Variants in SERTM1 observed in about 807,000 individuals in gnomAD.
SERTM1 encodes the protein serine-rich and transmembrane domain-containing protein 1.
Under a neutral mutation model 5.5 loss-of-function variants are expected in SERTM1, and 1 was observed. That is an observed-to-expected ratio of 0.18 (90% CI 0.06 to 0.86). The LOEUF is 0.86. SERTM1 is among the 40% of genes least tolerant of loss of function. SERTM1 has a pLI of 0.69. For synonymous variants in SERTM1, 52 were observed against 55.1 expected, an observed-to-expected ratio of 0.94 and a Z score of 0.25; for missense variants, 91 against 122.4, an observed-to-expected ratio of 0.74 and a Z score of 1.21.
intron 1 of SERTM1, among the ~76,000 whole-genome samples, chr13:36,694,589 T>G (rs1041353351): frequency 5.9e-5 from 9 of 152,236 alleles, no homozygotes; most frequent in Non-Finnish European, 1.2e-4. Context: ...TGTGTTCTCA[T>G]CTCAGAGTGT....
At position 36,696,874 on chromosome 13, in the gene SERTM1, C is replaced by A. The variant is rs1419568979; in HGVS notation, c.*1472C>A. ...GTTCAAAACATTTAATCATCTTAAG[C>A]AGTGGGGCTTCAACACACCGTTTGG... On this transcript the variant is annotated 3_prime_UTR_variant, in exon 2 of 2. Coordinates refer to ENST00000315190, the MANE Select transcript of SERTM1 (RefSeq NM_203451.3). 6.0e-6 allele frequency: 1 copy of A among 167,056 alleles called. No individual in the cohort carries two copies. Among genetic ancestry groups the A allele is most frequent in the African/African-American group, 2.4e-5 (1 of 41,440 alleles). The allele number at this position is 167,056 out of a possible 1,614,324, so 10.3% of individuals were successfully genotyped here. A position where few individuals can be genotyped will look rare whatever the true frequency, so the allele number is the denominator to read the frequency against.
chr13:36,685,462 T>C (rs1165791440), intron 1 of SERTM1, among the ~76,000 whole-genome samples: 2 of 152,246 alleles, frequency 1.3e-5, no homozygotes, highest in African/African-American at 4.8e-5. Flanking sequence ...TAATATCAGA[T>C]TCATCTGGCA....
At position 36,695,419 on chromosome 13, in the gene SERTM1, C is replaced by A. The variant is rs368757603; in HGVS notation, c.*17C>A. ...TCATCCTGAGGAAAATGGAAGAGTCCTTGAGTGTGGCAGCAGTTTTGACAT... is the reference window on the plus strand; with the variant it reads ...TCATCCTGAGGAAAATGGAAGAGTCATTGAGTGTGGCAGCAGTTTTGACAT... On this transcript the variant is annotated 3_prime_UTR_variant, in exon 2 of 2. Coordinates refer to ENST00000315190, the MANE Select transcript of SERTM1 (RefSeq NM_203451.3). The A allele has an allele frequency of 3.1e-6, 5 of 1,593,308 alleles. No homozygotes were observed. Among genetic ancestry groups the A allele is most frequent in the Non-Finnish European group, 4.3e-6 (5 of 1,165,448 alleles).
intron 1 of SERTM1, among the ~76,000 whole-genome samples, chr13:36,681,928 G>T (rs117066662): frequency 0.029 from 4,358 of 152,232 alleles, 91 homozygotes; most frequent in Non-Finnish European, 0.041. Flanking sequence ...TAAAATCTTA[G>T]CTTTCTTAGA....
rs1372195480 is a variant in SERTM1 at position 36,696,105 on chromosome 13, T to G, written c.*703T>G. ...TTTTATTTTGTTTTTCTGCTTATGT[T>G]TTAGTCATAATGCCACAAAGTTGTG... On this transcript the variant is annotated 3_prime_UTR_variant, in exon 2 of 2. Transcript: ENST00000315190. 1 of 166,950 alleles carries G rather than the reference T, an allele frequency of 6.0e-6. No homozygotes were observed. Among genetic ancestry groups the G allele is most frequent in the African/African-American group, 2.4e-5 (1 of 41,458 alleles). The allele number at this position is 166,950 out of a possible 1,614,324, so 10.3% of individuals were successfully genotyped here.
At chr13:36,675,661 C>T (rs530560184) in intron 1 of SERTM1, among the ~76,000 whole-genome samples, 21 of 152,236 alleles carry the variant, frequency 1.4e-4, no homozygotes, top group African/African-American at 4.3e-4. Context: ...TCTTTTCCCC[C>T]GCCACCACCA....
At chr13:36,682,932 G>A (rs929107109) in intron 1 of SERTM1, among the ~76,000 whole-genome samples, 1 of 152,098 alleles carries the variant, frequency 6.6e-6, no homozygotes, top group African/African-American at 2.4e-5. Flanking sequence ...GTCTCACACT[G>A]TCTCCCAGGC....
Position 36,695,062 on chromosome 13 carries a change from C to A in SERTM1, c.-17C>A. 6.3e-7 allele frequency: 1 copy of A among 1,596,996 alleles called. No homozygotes were observed. Among genetic ancestry groups the A allele is most frequent in the Non-Finnish European group, 8.6e-7 (1 of 1,167,546 alleles). On this transcript the variant is annotated 5_prime_UTR_variant, in exon 2 of 2. Coordinates refer to ENST00000315190, the MANE Select transcript of SERTM1 (RefSeq NM_203451.3). ...TTGACTTTAATCTACCAGATCACTCCTTCACCCTCCATAAAGATGTCTGAA... is the reference window on the plus strand; with the variant it reads ...TTGACTTTAATCTACCAGATCACTCATTCACCCTCCATAAAGATGTCTGAA...
chr13:36,694,184 T>C (rs112147713), intron 1 of SERTM1, among the ~76,000 whole-genome samples: 1,561 of 152,346 alleles, frequency 0.01, 28 homozygotes, highest in African/African-American at 0.036. Flanking sequence ...GTAGGTAATT[T>C]GCCCAGTTTC....
At position 36,696,711 on chromosome 13, in the gene SERTM1, G is replaced by T. The variant is rs1355202459; in HGVS notation, c.*1309G>T. The stretch of plus-strand genomic sequence containing the variant: ...CCCCTAAAAACAAAACAATCAAACT[G>T]CAGCTCCTTAAGAGTAAGAATTTTA... On this transcript the variant is annotated 3_prime_UTR_variant, in exon 2 of 2. Transcript: ENST00000315190. The T allele has an allele frequency of 6.0e-6, 1 of 166,852 alleles. No homozygotes were observed. The highest frequency in any genetic ancestry group is 1.5e-5 in the Non-Finnish European group (1 of 68,122). The allele number at this position is 166,852 out of a possible 1,614,324, so 10.3% of individuals were successfully genotyped here.
At chr13:36,686,996 G>A (rs778497157) in intron 1 of SERTM1, among the ~76,000 whole-genome samples, 11 of 152,144 alleles carry the variant, frequency 7.2e-5, no homozygotes, top group Non-Finnish European at 1.5e-4. Flanking sequence ...TTTTACTCTT[G>A]AAAGCATTAT....
rs1444530945 is a variant in SERTM1, at chr13:36,697,507, A to T, written c.*2105A>T. The T allele has an allele frequency of 6.0e-6, 1 of 166,746 alleles. No homozygotes were observed. The highest frequency in any genetic ancestry group is 1.5e-5 in the Non-Finnish European group (1 of 68,086). The allele number at this position is 166,746 out of a possible 1,614,324, so 10.3% of individuals were successfully genotyped here. Reference sequence around the variant, plus strand: ...AAATAAAAGGACAAATTTGCCACACAACAGAACAATCTGAGTATGATCTGT... The same window carrying T: ...AAATAAAAGGACAAATTTGCCACACTACAGAACAATCTGAGTATGATCTGT... On this transcript the variant is annotated 3_prime_UTR_variant, in exon 2 of 2. Transcript: ENST00000315190.
intron 1 of SERTM1, among the ~76,000 whole-genome samples, chr13:36,691,979 C>A (rs2056781534): frequency 6.6e-6 from 1 of 152,128 alleles, no homozygotes; most frequent in Non-Finnish European, 1.5e-5. Flanking sequence ...GAATTAACAT[C>A]CAAATTAAAA....
Position 36,691,068 on chromosome 13 carries a change from T to G in SERTM1, c.-173-3838T>G, listed in dbSNP as rs149914105. On this transcript the variant is annotated intron_variant, in intron 1 of 1. Transcript: ENST00000315190. Reference sequence around the variant, plus strand: ...GAAATTTAAAATTGCTGTGCCATATTTGAGGCTGACTGGTAGCCTGAGTTT... The same window carrying G: ...GAAATTTAAAATTGCTGTGCCATATGTGAGGCTGACTGGTAGCCTGAGTTT... 5.0e-4 allele frequency among the ~76,000 whole-genome samples: 76 copies of G among 152,340 alleles called. No homozygotes were observed. The Middle Eastern group carries it at 0.01, about 20-fold the overall frequency.
rs2056823306 is a variant in SERTM1, at chr13:36,697,384, TAC to T, written c.*1984_*1985del. 6.1e-6 allele frequency: 1 copy of T among 165,260 alleles called. No individual in the cohort carries two copies. Among genetic ancestry groups the T allele is most frequent in the Admixed American group, 6.6e-5 (1 of 15,064 alleles). 10.2% of individuals were successfully genotyped at this position (165,260 alleles called of 1,614,324 possible). The stretch of plus-strand genomic sequence containing the variant: ...AAGTCGTGTGAAAGCTACACAGGAT[TAC>T]AGAGGCATCTATATTATCACTTTTG... On this transcript the variant is annotated 3_prime_UTR_variant, in exon 2 of 2. Coordinates refer to ENST00000315190, the MANE Select transcript of SERTM1 (RefSeq NM_203451.3).
At position 36,695,045 on chromosome 13, in the gene SERTM1, A is replaced by C; in HGVS notation, c.-34A>C. ...AAGCCCTGTGTGAAGTTTTGACTTT[A>C]ATCTACCAGATCACTCCTTCACCCT... is the stretch of plus-strand genomic sequence containing the variant. On this transcript the variant is annotated 5_prime_UTR_variant, in exon 2 of 2. Transcript: ENST00000315190. 2.0e-6 allele frequency: 3 copies of C among 1,514,264 alleles called. No individual in the cohort carries two copies. Among genetic ancestry groups the C allele is most frequent in the Non-Finnish European group, 2.7e-6 (3 of 1,103,544 alleles). 93.8% of individuals were successfully genotyped at this position (1,514,264 alleles called of 1,614,324 possible). A position where few individuals can be genotyped will look rare whatever the true frequency, so the allele number is the denominator to read the frequency against.
chr13:36,677,655 C>G (rs2056678642), intron 1 of SERTM1, among the ~76,000 whole-genome samples: 1 of 152,166 alleles, frequency 6.6e-6, no homozygotes, highest in Non-Finnish European at 1.5e-5. Context: ...AGTTAAAACA[C>G]TAATTAACTT....
intron 1 of SERTM1, among the ~76,000 whole-genome samples, chr13:36,675,782 T>G (rs1380815399): frequency 6.6e-6 from 1 of 152,184 alleles, no homozygotes; most frequent in African/African-American, 2.4e-5. Context: ...CTAGTCACCT[T>G]TAAATGCTGG....
intron 1 of SERTM1, among the ~76,000 whole-genome samples, chr13:36,678,138 T>A (rs186816966): frequency 1.9e-4 from 29 of 152,326 alleles, no homozygotes; most frequent in Middle Eastern, 3.4e-3. Context: ...CAAATTTTAT[T>A]TCTATTTCTT....
Sources: allele counts gnomAD v4.1 joint callset (sites outside exome capture counted in the v4.1 genomes callset), GRCh38; gene constraint gnomAD v4.1.1; transcripts MANE v1.5; gene names NCBI Gene and HGNC (gene_info 2026-07-23, HGNC 2026-07-21).